MAP4K4: variants seen among roughly 807,000 people sequenced by gnomAD.
MAP4K4 encodes the protein HPK/GCK-like kinase HGK.
MAP4K4 carries 38 observed loss-of-function variants against 189.6 expected under a neutral mutation model. That is an observed-to-expected ratio of 0.20 (90% CI 0.15 to 0.26). MAP4K4 has a LOEUF of 0.26. Ranked by LOEUF, MAP4K4 falls within the 10% of genes least tolerant of loss-of-function variation. The pLI is 1.00. For synonymous variants in MAP4K4, 610 were observed against 624.3 expected, an observed-to-expected ratio of 0.98 and a Z score of 0.34; for missense variants, 1,054 against 1,726.9, an observed-to-expected ratio of 0.61 and a Z score of 6.91.
chr2:101,708,337 A>C (rs921459178), intron 2 of MAP4K4, among the ~76,000 whole-genome samples: 5 of 152,248 alleles, frequency 3.3e-5, no homozygotes, highest in African/African-American at 1.2e-4. Flanking sequence ...CAGAACAATA[A>C]CAATACCAAT....
At chr2:101,887,687 C>A in intron 30 of MAP4K4, 91 bp from the exon 31 acceptor site, 2 of 856,456 alleles carry the variant, frequency 2.3e-6, no homozygotes, top group Non-Finnish European at 1.8e-6. Context: ...GATATGGTAC[C>A]AGTGCATTCA....
At chr2:101,809,000 C>T (rs979669815) in intron 3 of MAP4K4, among the ~76,000 whole-genome samples, 2 of 152,096 alleles carry the variant, frequency 1.3e-5, no homozygotes, top group Admixed American at 1.3e-4. Context: ...AAGGAAAGCC[C>T]CCAGTCAAAT....
intron 2 of MAP4K4, among the ~76,000 whole-genome samples, chr2:101,774,124 T>A (rs2082771943): frequency 6.6e-6 from 1 of 152,244 alleles, no homozygotes; most frequent in Non-Finnish European, 1.5e-5. Flanking sequence ...TATAGATTTT[T>A]AAGGAACCTC....
intron 3 of MAP4K4, among the ~76,000 whole-genome samples, chr2:101,808,782 TA>T (rs1575952326): frequency 6.6e-6 from 1 of 152,190 alleles, no homozygotes; most frequent in East Asian, 1.9e-4. Context: ...CATTAATGTA[TA>T]TTTTTTTAGT....
intron 2 of MAP4K4, among the ~76,000 whole-genome samples, chr2:101,787,275 T>G (rs988213068): frequency 1.9e-4 from 29 of 152,206 alleles, no homozygotes; most frequent in African/African-American, 6.8e-4. Flanking sequence ...GAAGCAGCCC[T>G]TAAGAAACAT....
At chr2:101,777,184 C>T (rs1020292217) in intron 2 of MAP4K4, among the ~76,000 whole-genome samples, 12 of 152,150 alleles carry the variant, frequency 7.9e-5, no homozygotes, top group African/African-American at 7.2e-5. Flanking sequence ...CATTTTTAAG[C>T]GAAAGCCTCT....
At chr2:101,719,793 C>G (rs975127719) in intron 2 of MAP4K4, among the ~76,000 whole-genome samples, 1 of 152,072 alleles carries the variant, frequency 6.6e-6, no homozygotes, top group South Asian at 2.1e-4. Flanking sequence ...GTGGGTGGAT[C>G]ACAAGGTCAG....
intron 27 of MAP4K4, among the ~76,000 whole-genome samples, chr2:101,877,562 G>A (rs2098241383): frequency 6.7e-6 from 1 of 148,712 alleles, no homozygotes; most frequent in Non-Finnish European, 1.5e-5. Context: ...TGCGAGCTCC[G>A]CCTCCCAGGT....
chr2:101,739,146 C>G (rs1469446552), intron 2 of MAP4K4, among the ~76,000 whole-genome samples: 3 of 152,082 alleles, frequency 2.0e-5, no homozygotes, highest in Admixed American at 6.5e-5. Flanking sequence ...CCTGCTTAGT[C>G]CACAAGCGTC....
chr2:101,786,876 T>G (rs1216937506), intron 2 of MAP4K4, among the ~76,000 whole-genome samples: 1 of 152,228 alleles, frequency 6.6e-6, no homozygotes, highest in Non-Finnish European at 1.5e-5. Flanking sequence ...TCACTAATTG[T>G]CTTATAAACA....
At chr2:101,762,505 C>A (rs545192106) in intron 2 of MAP4K4, among the ~76,000 whole-genome samples, 1 of 152,308 alleles carries the variant, frequency 6.6e-6, no homozygotes, top group Non-Finnish European at 1.5e-5. Context: ...GGCCCTCATA[C>A]TCCCATTCAA....
At chr2:101,813,088 C>A (rs138028014) in intron 3 of MAP4K4, among the ~76,000 whole-genome samples, 2 of 151,916 alleles carry the variant, frequency 1.3e-5, no homozygotes, top group Non-Finnish European at 2.9e-5. Flanking sequence ...AAGATAGTGC[C>A]GGCCTGGGTG....
At chr2:101,703,389 G>A (rs1176187084) in intron 2 of MAP4K4, among the ~76,000 whole-genome samples, 2 of 151,974 alleles carry the variant, frequency 1.3e-5, no homozygotes, top group South Asian at 2.1e-4. Context: ...AGGCTGAGAC[G>A]GGCGGATCAC....
intron 2 of MAP4K4, among the ~76,000 whole-genome samples, chr2:101,700,435 C>CT (rs1476770798): frequency 1.3e-5 from 2 of 152,230 alleles, no homozygotes; most frequent in Non-Finnish European, 2.9e-5. Context: ...GAGAATTTCT[C>CT]TAATTATGCA....
In MAP4K4 at chr2:101,700,645, C is replaced by T. The variant is rs374308108; in HGVS notation, c.123+2107C>T. Reference sequence around the variant, plus strand: ...TTTCCTCCTTTATTTTAATGTAAACCCCAAATGCTATTTCAGCTGTAAATA... The same window carrying T: ...TTTCCTCCTTTATTTTAATGTAAACTCCAAATGCTATTTCAGCTGTAAATA... On this transcript the variant is annotated intron_variant, in intron 2 of 32. Transcript: ENST00000324219. Among the ~76,000 whole-genome samples, 61 of 152,184 alleles carry T rather than the reference C, an allele frequency of 4.0e-4. 1 individual carries two copies. In the South Asian group the frequency reaches 0.012, roughly 29 times the overall value.
chr2:101,838,347 A>G (rs185088568), intron 9 of MAP4K4, among the ~76,000 whole-genome samples: 10 of 152,310 alleles, frequency 6.6e-5, no homozygotes, highest in Non-Finnish European at 1.3e-4. Context: ...ACTGTGTAGA[A>G]TCTTCCATGT....
chr2:101,844,449 G>A, intron 12 of MAP4K4, 138 bp downstream of exon 12: 2 of 705,560 alleles, frequency 2.8e-6, no homozygotes. Context: ...TACATAACTT[G>A]TGAAAGAAAG....
chr2:101,851,758 C>CTTTTTTT (rs2097294728), intron 12 of MAP4K4, among the ~76,000 whole-genome samples: 1 of 55,414 alleles, frequency 1.8e-5, no homozygotes, highest in Non-Finnish European at 4.0e-5. Flanking sequence ...TTTTTTTTTG[C>CTTTTTTT]CTTAGCTATT....
At chr2:101,848,497 T>C (rs544122100) in intron 12 of MAP4K4, among the ~76,000 whole-genome samples, 13 of 152,256 alleles carry the variant, frequency 8.5e-5, no homozygotes, top group Admixed American at 3.3e-4. Flanking sequence ...TCATAAGATA[T>C]TAAAACTGAA....
Sources: allele counts gnomAD v4.1 joint callset (sites outside exome capture counted in the v4.1 genomes callset), GRCh38; gene constraint gnomAD v4.1.1; transcripts MANE v1.5; gene names NCBI Gene and HGNC (gene_info 2026-07-23, HGNC 2026-07-21).